Variants in ANKRD6 observed in about 807,000 individuals in gnomAD.
ANKRD6 encodes the protein ankyrin repeat domain 6.
Under a neutral mutation model 82.3 loss-of-function variants are expected in ANKRD6, and 56 were observed. The observed-to-expected ratio is 0.68, with a 90% CI of 0.55 to 0.85. The LOEUF is 0.85. ANKRD6 is among the 40% of genes least tolerant of loss of function. The pLI, the probability that ANKRD6 is intolerant of heterozygous loss-of-function variation, is 0.00. For missense variants in ANKRD6, 852 were observed against 907.6 expected (o/e 0.94, Z 0.79); for synonymous variants, 347 against 352.1 (o/e 0.99, Z 0.16).
chr6:89,591,427 G>A (rs1342495640), intron 2 of ANKRD6, among the ~76,000 whole-genome samples: 1 of 152,132 alleles, frequency 6.6e-6, no homozygotes, highest in African/African-American at 2.4e-5. Flanking sequence ...TTAATACATG[G>A]TCTTTTCTCC....
chr6:89,477,971 T>C (rs1367896201), intron 1 of ANKRD6, among the ~76,000 whole-genome samples: 1 of 152,192 alleles, frequency 6.6e-6, no homozygotes, highest in Non-Finnish European at 1.5e-5. Context: ...TTATTGTGCA[T>C]TGAATTATCT....
intron 1 of ANKRD6, among the ~76,000 whole-genome samples, chr6:89,507,231 G>A (rs1279775175): frequency 1.3e-5 from 2 of 151,932 alleles, no homozygotes; most frequent in African/African-American, 4.8e-5. Context: ...TTTTTTTATG[G>A]TTCATATCAT....
At chr6:89,471,561 TG>T (rs1775475211) in intron 1 of ANKRD6, among the ~76,000 whole-genome samples, 1 of 151,568 alleles carries the variant, frequency 6.6e-6, no homozygotes, top group South Asian at 2.1e-4. Context: ...CAAAAGAATG[TG>T]GGAAAGAGTG....
intron 5 of ANKRD6, among the ~76,000 whole-genome samples, chr6:89,608,714 C>T (rs940801792): frequency 6.6e-5 from 10 of 152,062 alleles, no homozygotes; most frequent in African/African-American, 9.7e-5. Flanking sequence ...CATTTTCATC[C>T]GTCTCCCCTC....
chr6:89,545,356 C>T (rs1464983204), intron 1 of ANKRD6, among the ~76,000 whole-genome samples: 1 of 152,128 alleles, frequency 6.6e-6, no homozygotes, highest in Non-Finnish European at 1.5e-5. Context: ...TGGGTAAACT[C>T]TCCACATCTC....
chr6:89,525,218 T>G (rs1287103338), intron 1 of ANKRD6, among the ~76,000 whole-genome samples: 7 of 147,442 alleles, frequency 4.7e-5, no homozygotes, highest in African/African-American at 1.8e-4. Context: ...CACTTGAACC[T>G]GGGAGGAGGA....
intron 1 of ANKRD6, among the ~76,000 whole-genome samples, chr6:89,500,307 A>G (rs190394907): frequency 1.3e-3 from 199 of 152,196 alleles, no homozygotes; most frequent in Non-Finnish European, 2.1e-3. Flanking sequence ...GTGGAATTCC[A>G]AGCAGAGAAG....
At chr6:89,473,401 T>TAA (rs535883417) in intron 1 of ANKRD6, among the ~76,000 whole-genome samples, 21 of 133,894 alleles carry the variant, frequency 1.6e-4, no homozygotes, top group African/African-American at 5.2e-4. Context: ...AGACTCTGTC[T>TAA]AAAAAAAAAA....
At chr6:89,525,293 C>CG (rs1554227216) in intron 1 of ANKRD6, among the ~76,000 whole-genome samples, 1 of 130,150 alleles carries the variant, frequency 7.7e-6, no homozygotes, top group African/African-American at 2.9e-5. Context: ...GATCCTATCT[C>CG]AAAAAAAAAA....
intron 1 of ANKRD6, among the ~76,000 whole-genome samples, chr6:89,540,882 G>A (rs1562762531): frequency 6.6e-6 from 1 of 152,116 alleles, no homozygotes. Flanking sequence ...TTGAAAAGAC[G>A]ATCTTTCCCC....
chr6:89,473,183 G>A (rs1299869066), intron 1 of ANKRD6, among the ~76,000 whole-genome samples: 1 of 152,126 alleles, frequency 6.6e-6, no homozygotes, highest in Non-Finnish European at 1.5e-5. Flanking sequence ...GGCTGAGGTG[G>A]ATAGATCACC....
At chr6:89,603,287 T>A (rs577121198) in intron 4 of ANKRD6, among the ~76,000 whole-genome samples, 160 bp downstream of exon 4, 1 of 152,220 alleles carries the variant, frequency 6.6e-6, no homozygotes, top group South Asian at 2.1e-4. Context: ...TAAAATTCCT[T>A]TGAAACACTA....
intron 1 of ANKRD6, among the ~76,000 whole-genome samples, chr6:89,526,838 A>C (rs1707590009): frequency 6.6e-6 from 1 of 152,362 alleles, no homozygotes; most frequent in East Asian, 1.9e-4. Flanking sequence ...AGAAGAGCCA[A>C]GGGCAGGAGA....
intron 6 of ANKRD6, among the ~76,000 whole-genome samples, chr6:89,613,258 C>G (rs1039462077): frequency 6.6e-6 from 1 of 152,134 alleles, no homozygotes; most frequent in Non-Finnish European, 1.5e-5. Context: ...CTACATAGCT[C>G]CATATAGGAT....
intron 2 of ANKRD6, among the ~76,000 whole-genome samples, chr6:89,583,916 CT>C (rs1307128335): frequency 6.6e-6 from 1 of 152,230 alleles, no homozygotes; most frequent in Non-Finnish European, 1.5e-5. Context: ...CCACCAACCC[CT>C]GAGTGTTCAA....
At chr6:89,611,709 G>A (rs548557153) in intron 5 of ANKRD6, among the ~76,000 whole-genome samples, 1 of 152,364 alleles carries the variant, frequency 6.6e-6, no homozygotes, top group South Asian at 2.1e-4. Flanking sequence ...AAATTTTGAT[G>A]TTTCAAGAAA....
intron 2 of ANKRD6, among the ~76,000 whole-genome samples, chr6:89,589,018 A>T (rs907569230): frequency 1.5e-4 from 23 of 149,578 alleles, no homozygotes; most frequent in Non-Finnish European, 2.8e-4. Context: ...AAAAAAAAAA[A>T]GGTGTTCCAG....
At chr6:89,542,490 T>C (rs1784555804) in intron 1 of ANKRD6, among the ~76,000 whole-genome samples, 1 of 152,222 alleles carries the variant, frequency 6.6e-6, no homozygotes, top group African/African-American at 2.4e-5. Flanking sequence ...CTTCATCTTG[T>C]CAACTCTTTG....
chr6:89,536,746 A>T (rs1783887400), intron 1 of ANKRD6, among the ~76,000 whole-genome samples: 1 of 152,230 alleles, frequency 6.6e-6, no homozygotes, highest in Non-Finnish European at 1.5e-5. Flanking sequence ...GCAAGCCAGC[A>T]GGCTGGTGGG....
Sources: allele counts gnomAD v4.1 joint callset (sites outside exome capture counted in the v4.1 genomes callset), GRCh38; gene constraint gnomAD v4.1.1; transcripts MANE v1.5; gene names NCBI Gene and HGNC (gene_info 2026-07-23, HGNC 2026-07-21).